SNURF: variants seen among roughly 807,000 people sequenced by gnomAD.
The protein encoded by SNURF is SNRPN upstream open reading frame, also known as SNURF protein.
Under a neutral mutation model 11.6 loss-of-function variants are expected in SNURF, and 6 were observed. The observed-to-expected ratio is 0.52, with a 90% CI of 0.28 to 1.02. The LOEUF is 1.02. SNURF is among the 50% of genes least tolerant of loss of function. The pLI is 0.09. For synonymous variants in SNURF, 29 were observed against 31.6 expected (o/e 0.92, Z 0.27); for missense variants, 84 against 88.4 (o/e 0.95, Z 0.20).
At chr15:24,964,415 C>A (rs914266915) in intron 2 of SNURF, among the ~76,000 whole-genome samples, 16 of 152,144 alleles carry the variant, frequency 1.1e-4, no homozygotes, top group African/African-American at 3.9e-4. Context: ...GCCTCAGTCT[C>A]CCAAGTAACT....
chr15:24,955,062 G>A (rs2062612238), exon 1 of SNURF: 1 of 1,613,506 alleles, frequency 6.2e-7, no homozygotes, highest in Non-Finnish European at 8.5e-7. Context: ...GAGCGGGCAA[G>A]GTCAGCTGTG....
intron 1 of SNURF, among the ~76,000 whole-genome samples, chr15:24,961,740 T>C (rs944357802): frequency 3.3e-5 from 5 of 152,346 alleles, no homozygotes; most frequent in African/African-American, 1.2e-4. Context: ...GAAACCATTT[T>C]GGAAATCAGG....
At chr15:24,956,431 T>C (rs561779070) in intron 1 of SNURF, among the ~76,000 whole-genome samples, 2 of 151,974 alleles carry the variant, frequency 1.3e-5, no homozygotes, top group African/African-American at 4.8e-5. Flanking sequence ...TTCTGCTGTT[T>C]CGGAGTTTCA....
At chr15:24,965,407 T>G (rs2075467832) in intron 2 of SNURF, among the ~76,000 whole-genome samples, 1 of 152,072 alleles carries the variant, frequency 6.6e-6, no homozygotes, top group Non-Finnish European at 1.5e-5. Flanking sequence ...TGTGGTAGTG[T>G]GCACCTGTAA....
At chr15:24,967,854 A>C in intron 2 of SNURF, 78 bp from the exon 3 acceptor site, 4 of 1,052,154 alleles carry the variant, frequency 3.8e-6, no homozygotes, top group Non-Finnish European at 5.9e-6. Context: ...ATGTAAGGGT[A>C]CCTAGTTTTC....
At chr15:24,962,864 A>T (rs1230272662) in intron 2 of SNURF, among the ~76,000 whole-genome samples, 1 of 152,192 alleles carries the variant, frequency 6.6e-6, no homozygotes, top group South Asian at 2.1e-4. Flanking sequence ...ATGCCATTAA[A>T]ATTTTGATCA....
At chr15:24,978,607 G>A (rs1208604074), downstream of SNURF, 1 of 706,080 alleles carries the variant, frequency 1.4e-6, no homozygotes, top group South Asian at 1.8e-5. Flanking sequence ...ATATTTTTTT[G>A]CCTGTTGATT....
rs1452207710 is a variant in SNURF, at chr15:24,975,589, G to A, written c.*197+80G>A. ...GCCAGAGCTGGAGTAAGGGATTTCC[G>A]AGGGTAACTGAAGTAGTTAGGGAAA... On this transcript the variant is annotated intron_variant and NMD_transcript_variant, in intron 4 of 6. Transcript: ENST00000580062. The A allele has an allele frequency of 8.4e-6, 10 of 1,187,092 alleles. No homozygotes were observed. In the South Asian group the frequency reaches 9.3e-5, roughly 11 times the overall value. The allele number at this position is 1,187,092 out of a possible 1,614,324, so 73.5% of individuals were successfully genotyped here.
chr15:24,960,367 T>A (rs2153455676), intron 1 of SNURF, among the ~76,000 whole-genome samples: 1 of 152,192 alleles, frequency 6.6e-6, no homozygotes, highest in Admixed American at 6.5e-5. Flanking sequence ...TGAGGCAGGG[T>A]CTGGCTCTGT....
At chr15:24,976,014 G>T (rs1417142468) in intron 4 of SNURF, among the ~76,000 whole-genome samples, 1 of 152,080 alleles carries the variant, frequency 6.6e-6, no homozygotes, top group Non-Finnish European at 1.5e-5. Context: ...TGGAAACCCA[G>T]GTTTCAATTT....
downstream of SNURF, among the ~76,000 whole-genome samples, chr15:24,969,452 GAC>G (rs1344735409): frequency 6.6e-6 from 1 of 152,078 alleles, no homozygotes; most frequent in African/African-American, 2.4e-5. Flanking sequence ...AATCAAAGGA[GAC>G]AGAAATTTTC....
chr15:24,978,152 C>T (rs200600828), downstream of SNURF: 6 of 1,593,208 alleles, frequency 3.8e-6, no homozygotes, highest in Non-Finnish European at 5.1e-6. Flanking sequence ...CTTTTCTAAG[C>T]CATTTTATGA....
chr15:24,959,625 G>C (rs1860918880), intron 1 of SNURF, among the ~76,000 whole-genome samples: 1 of 152,144 alleles, frequency 6.6e-6, no homozygotes, highest in Non-Finnish European at 1.5e-5. Flanking sequence ...TCATGGTTTA[G>C]TTGATAGTTT....
intron 1 of SNURF, among the ~76,000 whole-genome samples, chr15:24,959,484 A>G (rs2074415300): frequency 6.6e-6 from 1 of 152,190 alleles, no homozygotes; most frequent in African/African-American, 2.4e-5. Flanking sequence ...AGAAAGTTGA[A>G]ATAATAGAAT....
intron 5 of SNURF, chr15:24,976,478 G>A: frequency 8.9e-7 from 1 of 1,128,014 alleles, no homozygotes; most frequent in Non-Finnish European, 1.3e-6. Context: ...TATGTGAGAT[G>A]TCTGAAATCA....
exon 4 of SNURF, chr15:24,975,477 C>A: frequency 1.2e-6 from 2 of 1,613,854 alleles, no homozygotes; most frequent in Non-Finnish European, 1.7e-6. Context: ...TGAATTTGAT[C>A]CTCTGTGATT....
intron 2 of SNURF, 120 bp from the exon 3 acceptor site, chr15:24,967,812 A>G (rs2075877117): frequency 2.8e-5 from 18 of 632,594 alleles, no homozygotes; most frequent in African/African-American, 5.7e-5. Context: ...TGTCTGGAAA[A>G]AAAAAAAAAA....
At chr15:24,962,438 G>A (rs916765026) in intron 2 of SNURF, among the ~76,000 whole-genome samples, 26 of 152,120 alleles carry the variant, frequency 1.7e-4, no homozygotes, top group African/African-American at 6.3e-4. Context: ...GTGGGTAAGT[G>A]CATTTTATCT....
chr15:24,960,655 A>G (rs1024678474), intron 1 of SNURF, among the ~76,000 whole-genome samples: 3 of 152,178 alleles, frequency 2.0e-5, no homozygotes, highest in Non-Finnish European at 4.4e-5. Flanking sequence ...ATCATTTCAT[A>G]TAGATTAGCC....
Sources: allele counts gnomAD v4.1 joint callset (sites outside exome capture counted in the v4.1 genomes callset), GRCh38; gene constraint gnomAD v4.1.1; transcripts MANE v1.5; gene names NCBI Gene and HGNC (gene_info 2026-07-23, HGNC 2026-07-21).